ANAPC1: variants seen among roughly 807,000 people sequenced by gnomAD.
ANAPC1 encodes the protein anaphase promoting complex subunit 1.
A neutral mutation model predicts 208.0 loss-of-function variants in ANAPC1; 36 were observed. That is an observed-to-expected ratio of 0.17 (90% confidence interval 0.13 to 0.23). The LOEUF (loss-of-function observed/expected upper bound fraction) is 0.23. ANAPC1 is among the 10% of genes least tolerant of loss of function. ANAPC1 has a pLI of 1.00. For synonymous variants in ANAPC1, 378 were observed against 695.2 expected (o/e 0.54, Z 7.18); for missense variants, 942 against 2,011.6 (o/e 0.47, Z 10.17).
chr2:111,802,901 A>T (rs1368079467), intron 32 of ANAPC1: 2 of 238,304 alleles, frequency 8.4e-6, no homozygotes, highest in African/African-American at 6.8e-5. Flanking sequence ...TAATTAATAG[A>T]CTAAAGACAT....
At chr2:111,871,733 C>T (rs1308686016) in intron 6 of ANAPC1, among the ~76,000 whole-genome samples, 1 of 152,044 alleles carries the variant, frequency 6.6e-6, no homozygotes, top group South Asian at 2.1e-4. Context: ...GACTGGGCAA[C>T]AAGAGCAAAA....
intron 33 of ANAPC1, among the ~76,000 whole-genome samples, chr2:111,801,287 G>A (rs1236294276): frequency 2.7e-5 from 4 of 150,462 alleles, no homozygotes; most frequent in Non-Finnish European, 5.9e-5. Flanking sequence ...AACCCAGGAG[G>A]CAAAGGTTGC....
intron 13 of ANAPC1, among the ~76,000 whole-genome samples, chr2:111,855,459 G>A (rs1004325270): frequency 1.3e-5 from 2 of 152,150 alleles, no homozygotes; most frequent in African/African-American, 4.8e-5. Context: ...TGCAGTATCT[G>A]TGAAGTACAA....
intron 47 of ANAPC1, among the ~76,000 whole-genome samples, chr2:111,769,620 T>C (rs1676609158): frequency 6.6e-6 from 1 of 151,306 alleles, no homozygotes; most frequent in Non-Finnish European, 1.5e-5. Context: ...TGAAGAGAGG[T>C]GTTTTGGATT....
In ANAPC1 at chr2:111,782,512, A is replaced by G. The variant is rs1321892074; in HGVS notation, c.5064-5T>C. On this transcript the variant is annotated splice_polypyrimidine_tract_variant and splice_region_variant and intron_variant, in intron 42 of 47. Coordinates refer to ENST00000341068, the MANE Select transcript of ANAPC1 (RefSeq NM_022662.4). The stretch of plus-strand genomic sequence containing the variant: ...CCATCCTTGGAAAGGATGGACCTGA[A>G]AGAAAAGGAATGAATTTAATATAAG... 1 of 1,613,638 alleles carries G rather than the reference A, an allele frequency of 6.2e-7. No individual in the cohort carries two copies. The highest frequency in any genetic ancestry group is 8.5e-7 in the Non-Finnish European group (1 of 1,179,644).
At chr2:111,769,767 C>T (rs981540301) in intron 47 of ANAPC1, among the ~76,000 whole-genome samples, 1 of 143,658 alleles carries the variant, frequency 7.0e-6, no homozygotes, top group African/African-American at 2.6e-5. Context: ...CTGCAAACTC[C>T]ACCTCCTGGG....
At chr2:111,868,780 G>C (rs528271102) in intron 6 of ANAPC1, among the ~76,000 whole-genome samples, 8 of 152,268 alleles carry the variant, frequency 5.3e-5, no homozygotes, top group Admixed American at 3.9e-4. Context: ...TGATCCACCT[G>C]CCTCGGCCTC....
At chr2:111,847,222 T>C (rs768338939) in intron 15 of ANAPC1, 24 bp from the exon 16 acceptor site, 54 of 1,591,050 alleles carry the variant, frequency 3.4e-5, no homozygotes, top group Admixed American at 6.8e-5. Context: ...AATGAGAAAG[T>C]AGATAAAATC....
intron 6 of ANAPC1, among the ~76,000 whole-genome samples, chr2:111,869,911 G>C (rs1424588549): frequency 1.3e-5 from 2 of 152,132 alleles, no homozygotes; most frequent in African/African-American, 2.4e-5. Flanking sequence ...ATAACACTCT[G>C]TATATAGCCT....
chr2:111,831,633 T>C (rs1680137174), intron 20 of ANAPC1, among the ~76,000 whole-genome samples, 199 bp from the exon 21 acceptor site: 2 of 151,398 alleles, frequency 1.3e-5, no homozygotes, highest in Non-Finnish European at 1.5e-5. Context: ...AGGTCAGGAG[T>C]TAAGGACAGC....
At chr2:111,867,493 C>A (rs1347191595) in intron 7 of ANAPC1, among the ~76,000 whole-genome samples, 1 of 151,918 alleles carries the variant, frequency 6.6e-6, no homozygotes, top group Non-Finnish European at 1.5e-5. Context: ...GAGTTCGATA[C>A]CAGCCTGGCT....
At chr2:111,771,773 A>ATCAAAAAATATTTTTTTTGAGATTC in intron 47 of ANAPC1, among the ~76,000 whole-genome samples, 1 of 152,140 alleles carries the variant, frequency 6.6e-6, no homozygotes, top group East Asian at 1.9e-4. Context: ...CTTTGCCCTT[A>ATCAAAAAATATTTTTTTTGAGATTC]TCAAAAAATA....
intron 1 of ANAPC1, among the ~76,000 whole-genome samples, chr2:111,882,933 C>T (rs1467943450): frequency 2.0e-5 from 3 of 151,658 alleles, no homozygotes; most frequent in African/African-American, 7.3e-5. Flanking sequence ...TTTGGGTGGC[C>T]GAGACGGGTG....
At chr2:111,832,619 TAC>T (rs1680210484) in intron 20 of ANAPC1, among the ~76,000 whole-genome samples, 1 of 152,144 alleles carries the variant, frequency 6.6e-6, no homozygotes. Flanking sequence ...AACTGTACAC[TAC>T]AAGTCTAAGT....
chr2:111,832,984 G>C (rs1680239006), intron 20 of ANAPC1, among the ~76,000 whole-genome samples: 1 of 142,126 alleles, frequency 7.0e-6, no homozygotes, highest in Admixed American at 7.3e-5. Context: ...AGCTTTCTCT[G>C]ACTTTTGCAA....
At chr2:111,883,023 A>G (rs1034001547) in intron 1 of ANAPC1, among the ~76,000 whole-genome samples, 2 of 150,554 alleles carry the variant, frequency 1.3e-5, no homozygotes, top group Non-Finnish European at 3.0e-5. Context: ...AAAATTAGCC[A>G]GACAGTGATG....
intron 46 of ANAPC1, among the ~76,000 whole-genome samples, chr2:111,772,795 C>G (rs537693140): frequency 1.3e-5 from 2 of 152,296 alleles, no homozygotes; most frequent in East Asian, 3.9e-4. Flanking sequence ...ACCCTACCCT[C>G]CACCATATAT....
intron 21 of ANAPC1, among the ~76,000 whole-genome samples, chr2:111,827,028 G>A (rs1404543218): frequency 1.9e-4 from 23 of 120,448 alleles, no homozygotes; most frequent in Non-Finnish European, 3.3e-4. Flanking sequence ...GAAAGTGTAT[G>A]TTTAACTTCA....
chr2:111,846,253 C>T (rs1370145202), intron 16 of ANAPC1, among the ~76,000 whole-genome samples: 2 of 151,586 alleles, frequency 1.3e-5, no homozygotes, highest in Admixed American at 6.6e-5. Flanking sequence ...TCTCCTCAAG[C>T]ATTTTTGAAA....
Sources: allele counts gnomAD v4.1 joint callset (sites outside exome capture counted in the v4.1 genomes callset), GRCh38; gene constraint gnomAD v4.1.1; transcripts MANE v1.5; gene names NCBI Gene and HGNC (gene_info 2026-07-23, HGNC 2026-07-21).